GSAP: variants seen among roughly 807,000 people sequenced by gnomAD.
GSAP encodes the protein gamma-secretase-activating protein.
Under a neutral mutation model 131.7 loss-of-function variants are expected in GSAP, and 118 were observed. The ratio of observed to expected loss-of-function variants is 0.90; its 90% CI spans 0.77 to 1.04. GSAP has a LOEUF of 1.04. Ranked by LOEUF, GSAP falls within the 50% of genes least tolerant of loss-of-function variation. The pLI is 0.00. For synonymous variants in GSAP, 381 were observed against 363.4 expected (o/e 1.05, Z -0.55); for missense variants, 1,019 against 1,013.2 (o/e 1.01, Z -0.08).
chr7:77,355,683 G>T, intron 14 of GSAP, 36 bp from the exon 15 acceptor site: 1 of 1,149,030 alleles, frequency 8.7e-7, no homozygotes, highest in Non-Finnish European at 1.3e-6. Flanking sequence ...TCTACATGTG[G>T]TAAAAGCTGC....
chr7:77,382,001 A>C (rs541011768), intron 7 of GSAP, among the ~76,000 whole-genome samples: 109 of 149,650 alleles, frequency 7.3e-4, no homozygotes, highest in African/African-American at 2.6e-3. Flanking sequence ...TAGCAGTTTC[A>C]TCTTGTAATG....
intron 3 of GSAP, among the ~76,000 whole-genome samples, chr7:77,398,502 A>G (rs1049342034): frequency 6.6e-6 from 1 of 152,246 alleles, no homozygotes; most frequent in Non-Finnish European, 1.5e-5. Context: ...TCTTTTAATT[A>G]CAAAGATAAC....
chr7:77,316,216 CAG>C (rs1794951840), intron 26 of GSAP: 1 of 152,200 alleles, frequency 6.6e-6, no homozygotes, highest in African/African-American at 2.4e-5. Flanking sequence ...GGCACTGAAT[CAG>C]AGAGGCATGG....
At chr7:77,377,006 A>G (rs1288033048) in intron 9 of GSAP, 99 bp from the exon 10 acceptor site, 3 of 731,418 alleles carry the variant, frequency 4.1e-6, no homozygotes, top group Admixed American at 2.7e-5. Flanking sequence ...ATGAAAATGT[A>G]ATGATTAGTG....
chr7:77,355,276 C>T lies in GSAP; in HGVS notation c.1275G>A (p.Glu425=). Reference sequence around the variant, plus strand: ...GCGCGCAGTGCAACGCAGCCATCTTCTCACAGTCTAAGCAAGTGTTCTGCA... The same window carrying T: ...GCGCGCAGTGCAACGCAGCCATCTTTTCACAGTCTAAGCAAGTGTTCTGCA... The part of the protein sequence containing the change: ...QLLQNTCLDC[E]KMAALHCALY... Residue 425 remains glutamate (E), a synonymous_variant, in exon 16 of 31, where the codon GAG becomes GAA. Transcript: ENST00000257626. 6.2e-7 allele frequency: 1 copy of T among 1,614,124 alleles called. No individual in the cohort carries two copies. The highest frequency in any genetic ancestry group is 1.3e-5 in the African/African-American group (1 of 75,070).
Position 77,352,984 on chromosome 7 carries a change from T to C in GSAP, c.1451A>G (p.Asp484Gly), listed in dbSNP as rs1307751527. The change falls in exon 18 of 31, where the codon GAC (aspartate) becomes GGC (glycine). Residue 484 changes from aspartate to glycine, a missense_variant. By Grantham distance (94) the Asp-to-Gly change is moderately conservative. Coordinates refer to ENST00000257626, the MANE Select transcript of GSAP (RefSeq NM_017439.4). ...CACTGAGGAATGTGGCAATAGTTTG[T>C]CCATGTTACTTGTCTCTGAATATAC... ...WSVYSETSNM[D>G]KLLPHSSVLT... 4.4e-6 allele frequency: 7 copies of C among 1,608,060 alleles called. No homozygotes were observed.
At position 77,391,142 on chromosome 7, in the gene GSAP, A is replaced by AG. The variant is rs1239308967; in HGVS notation, c.368-3695_368-3694insC. Among the ~76,000 whole-genome samples, 105 of 139,490 alleles carry AG rather than the reference A, an allele frequency of 7.5e-4. No homozygotes were observed. The East Asian group carries it at 0.01, about 14-fold the overall frequency. 91.5% of individuals were successfully genotyped at this position (139,490 alleles called of 152,430 possible). Reference sequence around the variant, plus strand: ...CTCCGTCTCAAAAAAAAAAAAAAAAAAAAAAGAAAAAGAAAAAGAATAACC... The same window carrying AG: ...CTCCGTCTCAAAAAAAAAAAAAAAAAGAAAAAGAAAAAGAAAAAGAATAACC... On this transcript the variant is annotated intron_variant, in intron 5 of 30. Coordinates refer to ENST00000257626, the MANE Select transcript of GSAP (RefSeq NM_017439.4).
rs1481553399 is a variant in GSAP at position 77,321,275 on chromosome 7, C to A, written c.1994+58G>T. 9 of 1,079,180 alleles carry A rather than the reference C, an allele frequency of 8.3e-6. No homozygotes were observed. The Admixed American group carries it at 1.4e-4, about 16-fold the overall frequency. 66.9% of individuals were successfully genotyped at this position (1,079,180 alleles called of 1,614,324 possible). ...AGTGCATTTCAAAAGGGTTTTGCTA[C>A]AACAGAGTTGTTTCCACTCTTTGTA... is the stretch of plus-strand genomic sequence containing the variant. On this transcript the variant is annotated intron_variant, in intron 25 of 30. Coordinates refer to ENST00000257626, the MANE Select transcript of GSAP (RefSeq NM_017439.4).
intron 19 of GSAP, among the ~76,000 whole-genome samples, chr7:77,346,270 C>CAAAAAAAAAAAAAAAAAA (rs1223497863): frequency 1.7e-4 from 7 of 40,902 alleles, no homozygotes; most frequent in African/African-American, 4.0e-4. Context: ...GACTCCATCT[C>CAAAAAAAAAAAAAAAAAA]AAAAAAAAAA....
At chr7:77,329,514 C>T (rs1584285037) in intron 20 of GSAP, 123 bp from the exon 21 acceptor site, 2 of 442,500 alleles carry the variant, frequency 4.5e-6, no homozygotes, top group East Asian at 3.7e-5. Context: ...TCCAGGTAAT[C>T]AGAACACCTA....
intron 5 of GSAP, among the ~76,000 whole-genome samples, chr7:77,396,608 A>G (rs1304197200): frequency 2.6e-5 from 4 of 152,190 alleles, no homozygotes; most frequent in Admixed American, 2.0e-4. Context: ...GTATTGGTGT[A>G]GTACTTACAA....
chr7:77,312,252 G>T, intron 28 of GSAP, 50 bp from the exon 29 acceptor site: 1 of 840,790 alleles, frequency 1.2e-6, no homozygotes, highest in Non-Finnish European at 1.9e-6. Flanking sequence ...ACTATATTAA[G>T]TAAACACACC....
At chr7:77,321,475 C>G (rs1787637571) in intron 24 of GSAP, 72 bp from the exon 25 acceptor site, 2 of 931,734 alleles carry the variant, frequency 2.1e-6, no homozygotes, top group Non-Finnish European at 3.6e-6. Flanking sequence ...TAGGCCTCCA[C>G]AACTCAGATA....
chr7:77,406,005 C>A, intron 2 of GSAP, 24 bp downstream of exon 2: 1 of 829,838 alleles, frequency 1.2e-6, no homozygotes, highest in Non-Finnish European at 1.7e-6. Context: ...CATCTTACCA[C>A]AATAAAAAAG....
At chr7:77,385,096 C>G (rs1284512093) in intron 6 of GSAP, among the ~76,000 whole-genome samples, 1 of 150,774 alleles carries the variant, frequency 6.6e-6, no homozygotes, top group Non-Finnish European at 1.5e-5. Flanking sequence ...TGCAATGGCA[C>G]GATCTTGGCT....
At chr7:77,328,447 G>A (rs567820606) in intron 22 of GSAP, 159 bp downstream of exon 22, 2 of 1,363,110 alleles carry the variant, frequency 1.5e-6, no homozygotes, top group African/African-American at 3.0e-5. Context: ...GACATGGGAA[G>A]AGCCGTGCGG....
rs952825503 is a variant in GSAP, at chr7:77,382,590, C to A, written c.510G>T (p.Leu170=). ...SHPLPENHLL[L]ISEEKYIEQF... ...TACACTTACATTTCTCTTCTGAAAT[C>A]AGTAACAGATGGTTCTCTGGAAGAG... The change falls in exon 7 of 31, where the codon CTG becomes CTT. Residue 170 remains leucine (L), a synonymous_variant. Transcript: ENST00000257626. The A allele has an allele frequency of 2.6e-6, 4 of 1,556,716 alleles. No individual in the cohort carries two copies. Among genetic ancestry groups the A allele is most frequent in the African/African-American group, 2.7e-5 (2 of 73,808 alleles).
chr7:77,351,933 G>A (rs1462086070), intron 18 of GSAP, among the ~76,000 whole-genome samples: 1 of 152,184 alleles, frequency 6.6e-6, no homozygotes, highest in Non-Finnish European at 1.5e-5. Flanking sequence ...GGGTCTGCAT[G>A]TCTATTCACA....
intron 18 of GSAP, among the ~76,000 whole-genome samples, chr7:77,351,903 C>T (rs1328984004): frequency 2.0e-5 from 3 of 152,294 alleles, no homozygotes; most frequent in South Asian, 4.1e-4. Context: ...AACCTGCAGA[C>T]TTCCTGCCAT....
Sources: gnomAD v4.1 joint callset for allele counts (sites outside exome capture counted in the v4.1 genomes callset) on GRCh38, gnomAD v4.1.1 for gene constraint, MANE v1.5 for transcripts, NCBI Gene and HGNC (gene_info 2026-07-23, HGNC 2026-07-21) for gene names.